Variants in EEA1 observed in about 807,000 individuals in gnomAD.
The protein encoded by EEA1 is early endosome antigen 1, 162kD.
Under a neutral mutation model 209.2 loss-of-function variants are expected in EEA1, and 111 were observed. The observed-to-expected ratio is 0.53, with a 90% CI of 0.45 to 0.62. EEA1 has a LOEUF of 0.62. Among genes scored for constraint, EEA1 ranks in the 20% least tolerant of loss-of-function variants. The pLI is 0.00. For missense variants in EEA1, 1,343 were observed against 1,530.8 expected, an observed-to-expected ratio of 0.88 and a Z score of 2.05; for synonymous variants, 536 against 540.6, an observed-to-expected ratio of 0.99 and a Z score of 0.12.
Position 92,787,912 on chromosome 12 carries a change from G to A in EEA1, c.3105C>T (p.Phe1035=), listed in dbSNP as rs1463067767. Residue 1035 remains phenylalanine, a synonymous_variant, in exon 22 of 29, where the codon TTC becomes TTT. Coordinates refer to ENST00000322349, the MANE Select transcript of EEA1 (RefSeq NM_003566.4). ...CTAGAAGTTCAGATTCCCTCCCATA[G>A]AAATCAGATTGAAGCTGTTTGAAAG... ...QETFKQLQSD[F]YGRESELLAT... The A allele has an allele frequency of 6.2e-7, 1 of 1,612,226 alleles. No individual in the cohort carries two copies. The highest frequency in any genetic ancestry group is 2.2e-5 in the East Asian group (1 of 44,728).
intron 13 of EEA1, among the ~76,000 whole-genome samples, chr12:92,821,402 C>T (rs748897700): frequency 6.6e-5 from 10 of 150,996 alleles, no homozygotes; most frequent in Middle Eastern, 3.4e-3. Context: ...TGTGTAGATA[C>T]GAACTAACCT....
rs762027327 is a variant in EEA1 at position 92,853,041 on chromosome 12, G to A, written c.407-16C>T. On this transcript the variant is annotated splice_polypyrimidine_tract_variant and intron_variant, in intron 6 of 28. Transcript: ENST00000322349. The stretch of plus-strand genomic sequence containing the variant: ...GACTGTAGTTCTACAAAAAAGTGTC[G>A]CAGTTATTCAAATACCATGTTAATT... 2.9e-5 allele frequency: 43 copies of A among 1,502,556 alleles called. No individual in the cohort carries two copies. The highest frequency in any genetic ancestry group is 6.0e-5 in the South Asian group (5 of 83,084). The allele number at this position is 1,502,556 out of a possible 1,614,324, so 93.1% of individuals were successfully genotyped here.
intron 2 of EEA1, chr12:92,879,299 C>T (rs565775340): frequency 1.0e-4 from 44 of 435,858 alleles, no homozygotes; most frequent in African/African-American, 5.2e-4. Flanking sequence ...AACATCATTT[C>T]GGCACTCAAG....
At position 92,777,577 on chromosome 12, in the gene EEA1, A is replaced by C; in HGVS notation, c.3980T>G (p.Val1327Gly). Residue 1327 changes from valine to glycine, a missense_variant, in exon 27 of 29, where the codon GTG (valine) becomes GGG (glycine). Transcript: ENST00000322349. Reference sequence around the variant, plus strand: ...TTGGTTTTCTCTGCCCAGCTCCTGCACTGCTGCAGTTGTATTATCCAGCTT... The same window carrying C: ...TTGGTTTTCTCTGCCCAGCTCCTGCCCTGCTGCAGTTGTATTATCCAGCTT... Reference protein sequence around the residue: ...QRKLDNTTAAVQELGRENQSL... With the variant: ...QRKLDNTTAAGQELGRENQSL... The C allele has an allele frequency of 6.2e-7, 1 of 1,612,344 alleles. No individual in the cohort carries two copies. The highest frequency in any genetic ancestry group is 8.5e-7 in the Non-Finnish European group (1 of 1,178,804).
Position 92,824,584 on chromosome 12 carries a change from T to G in EEA1, c.1524+1582A>C, listed in dbSNP as rs1021718941. Among the ~76,000 whole-genome samples the G allele has an allele frequency of 2.6e-5, 4 of 152,160 alleles. No individual in the cohort carries two copies. In the East Asian group the frequency reaches 5.8e-4, roughly 22 times the overall value. Reference sequence around the variant, plus strand: ...ACTTCCCGTTATTCTTGAGACATGCTCCTGCCTCTGGACCATTTAACATAC... The same window carrying G: ...ACTTCCCGTTATTCTTGAGACATGCGCCTGCCTCTGGACCATTTAACATAC... On this transcript the variant is annotated intron_variant, in intron 13 of 28. Coordinates refer to ENST00000322349, the MANE Select transcript of EEA1 (RefSeq NM_003566.4).
intron 26 of EEA1, 60 bp from the exon 27 acceptor site, chr12:92,777,723 G>C (rs1462057533): frequency 6.6e-7 from 1 of 1,514,696 alleles, no homozygotes; most frequent in African/African-American, 1.4e-5. Context: ...GACCCTTCTA[G>C]GGTATAGATA....
intron 3 of EEA1, chr12:92,858,633 A>G: frequency 1.4e-6 from 1 of 734,784 alleles, no homozygotes; most frequent in Non-Finnish European, 2.6e-6. Context: ...CTACAACTCA[A>G]GTTACTGTGC....
intron 5 of EEA1, among the ~76,000 whole-genome samples, chr12:92,856,224 A>T (rs1320605162): frequency 6.6e-6 from 1 of 152,212 alleles, no homozygotes; most frequent in Non-Finnish European, 1.5e-5. Flanking sequence ...TGACTATGGT[A>T]AAATTATTTG....
At chr12:92,902,719 C>A (rs73209545) in intron 1 of EEA1, among the ~76,000 whole-genome samples, 37,848 of 142,218 alleles carry the variant, frequency 0.27, 5,336 homozygotes, top group Non-Finnish European at 0.33. Context: ...CCAGCCTGGG[C>A]AACAGGGCGA....
rs1178105899 is a variant in EEA1 at position 92,779,151 on chromosome 12, C to T, written c.3618G>A (p.Glu1206=). ...LKDQVKKEEE[E]LKKEFIEKEA... ...CTTTCTCAATAAATTCTTTCTTCAG[C>T]TCCTCTTCTTCCTTTTTCACCTGGT... Residue 1206 remains glutamate, a synonymous_variant, in exon 25 of 29, where the codon GAG becomes GAA. Coordinates refer to ENST00000322349, the MANE Select transcript of EEA1 (RefSeq NM_003566.4). 2 of 1,604,798 alleles carry T rather than the reference C, an allele frequency of 1.2e-6. No homozygotes were observed. The highest frequency in any genetic ancestry group is 1.7e-6 in the Non-Finnish European group (2 of 1,177,892).
intron 13 of EEA1, among the ~76,000 whole-genome samples, chr12:92,823,438 C>T (rs1030519484): frequency 3.3e-5 from 5 of 152,220 alleles, no homozygotes; most frequent in African/African-American, 4.8e-5. Flanking sequence ...GAGTAAACTT[C>T]TCACTACCAC....
intron 16 of EEA1, 42 bp downstream of exon 16, chr12:92,812,937 CA>C: frequency 7.4e-7 from 1 of 1,348,780 alleles, no homozygotes. Context: ...ATTTATCTAC[CA>C]AAGCACTAGG....
intron 25 of EEA1, 70 bp downstream of exon 25, chr12:92,779,045 G>C: frequency 1.5e-6 from 2 of 1,354,854 alleles, no homozygotes; most frequent in Non-Finnish European, 2.0e-6. Flanking sequence ...CTTATAAGTA[G>C]AACAGTCCTC....
At chr12:92,864,559 AAAT>A (rs1460269098) in intron 3 of EEA1, among the ~76,000 whole-genome samples, 3 of 152,202 alleles carry the variant, frequency 2.0e-5, no homozygotes, top group Non-Finnish European at 2.9e-5. Flanking sequence ...TCATCTAAGC[AAAT>A]CGTATCATCT....
intron 18 of EEA1, among the ~76,000 whole-genome samples, chr12:92,804,993 AT>A (rs1449569552): frequency 2.0e-5 from 3 of 152,180 alleles, no homozygotes; most frequent in Non-Finnish European, 4.4e-5. Context: ...CCCCAATAGG[AT>A]GTGGGAGCCC....
chr12:92,881,429 C>T (rs921019009), intron 2 of EEA1, among the ~76,000 whole-genome samples: 6 of 149,650 alleles, frequency 4.0e-5, no homozygotes, highest in Non-Finnish European at 7.4e-5. Context: ...AAAGAAGGAA[C>T]GGAGGGAAGG....
At chr12:92,834,263 G>A (rs1256710394) in intron 10 of EEA1, among the ~76,000 whole-genome samples, 1 of 152,014 alleles carries the variant, frequency 6.6e-6, no homozygotes, top group East Asian at 1.9e-4. Context: ...TATAAGAGAG[G>A]CCAGGTGCAG....
chr12:92,852,274 T>C lies in EEA1; in HGVS notation c.543A>G (p.Glu181=). 4 of 1,592,254 alleles carry C rather than the reference T, an allele frequency of 2.5e-6. No individual in the cohort carries two copies. The highest frequency in any genetic ancestry group is 3.4e-6 in the Non-Finnish European group (4 of 1,170,242). ...CAGCAGCTTCTCGAAGACTCCTTTC[T>C]TCATCATACTTTGACTTTATATCTA... ...EIADIKSKYD[E]ERSLREAAEQ... is the part of the protein sequence containing the mutation. Residue 181 remains glutamate, a synonymous_variant, in exon 8 of 29, where the codon GAA becomes GAG. Coordinates refer to ENST00000322349, the MANE Select transcript of EEA1 (RefSeq NM_003566.4).
At chr12:92,784,517 C>T (rs1874044775) in intron 22 of EEA1, among the ~76,000 whole-genome samples, 1 of 152,154 alleles carries the variant, frequency 6.6e-6, no homozygotes, top group Non-Finnish European at 1.5e-5. Context: ...CAACCCTAAC[C>T]TCTAACCACA....
Sources: allele counts gnomAD v4.1 joint callset (sites outside exome capture counted in the v4.1 genomes callset), GRCh38; gene constraint gnomAD v4.1.1; transcripts MANE v1.5; gene names NCBI Gene and HGNC (gene_info 2026-07-23, HGNC 2026-07-21).